Variants in RBPMS2 observed in about 807,000 individuals in gnomAD.
RBPMS2 encodes the protein RNA binding protein, mRNA processing factor 2.
A neutral mutation model predicts 25.7 loss-of-function variants in RBPMS2; 14 were observed. The observed-to-expected ratio is 0.55, with a 90% confidence interval of 0.36 to 0.85. The LOEUF is 0.85. RBPMS2 is among the 40% of genes least tolerant of loss of function. The probability of loss-of-function intolerance (pLI) is 0.01; values close to 1 mark genes in which losing one functional copy is unlikely to be tolerated. For missense variants in RBPMS2, 252 were observed against 283.4 expected, an observed-to-expected ratio of 0.89 and a Z score of 0.80; for synonymous variants, 127 against 115.6, an observed-to-expected ratio of 1.10 and a Z score of -0.63.
intron 1 of RBPMS2, among the ~76,000 whole-genome samples, chr15:64,764,583 C>A (rs1595794075): frequency 6.6e-6 from 1 of 152,188 alleles, no homozygotes; most frequent in East Asian, 1.9e-4. Flanking sequence ...GACCCTCCAT[C>A]CCAAGCTGTG....
chr15:64,750,454 T>C lies in RBPMS2; in HGVS notation c.166-73A>G, dbSNP rs563006855. 141 of 1,308,314 alleles carry C rather than the reference T, an allele frequency of 1.1e-4. 1 individual carries two copies. In the South Asian group the frequency reaches 1.5e-3, roughly 14 times the overall value. 81.0% of individuals were successfully genotyped at this position (1,308,314 alleles called of 1,614,324 possible). ...GTGCTAGCCCAGCGCTGCCACCTCA[T>C]CAGCCCCCGCGTTCCCCTGAGTCAT... On this transcript the variant is annotated intron_variant, in intron 2 of 7. Transcript: ENST00000300069.
chr15:64,774,990 C>G (rs902216320), intron 1 of RBPMS2, among the ~76,000 whole-genome samples: 10 of 150,474 alleles, frequency 6.6e-5, no homozygotes, highest in Non-Finnish European at 8.9e-5. Flanking sequence ...CGGCGGCCGG[C>G]GCGCGCGGCC....
rs369400046 is a variant in RBPMS2 at position 64,749,449 on chromosome 15, C to T, written c.249G>A (p.Ala83=). Residue 83 remains alanine (A), a synonymous_variant, in exon 4 of 8, where the codon GCG becomes GCA. Coordinates refer to ENST00000300069, the MANE Select transcript of RBPMS2 (RefSeq NM_194272.3). ...VIFDSRAGAE[A]AKNALNGIRF... is the part of the protein sequence containing the mutation. ...TACTCACGTTCAGCGCATTCTTGGC[C>T]GCTTCTGCTCCTGCACGGCTGTCAA... 1.1e-5 allele frequency: 17 copies of T among 1,613,256 alleles called. No individual in the cohort carries two copies. The highest frequency in any genetic ancestry group is 4.4e-5 in the South Asian group (4 of 91,000).
intron 1 of RBPMS2, chr15:64,762,254 C>T: frequency 2.3e-6 from 1 of 431,296 alleles, no homozygotes. Context: ...CACGGTGAAT[C>T]CTACATGGTT....
chr15:64,761,624 C>T (rs1262259904), intron 1 of RBPMS2, among the ~76,000 whole-genome samples: 1 of 151,410 alleles, frequency 6.6e-6, no homozygotes, highest in East Asian at 1.9e-4. Context: ...CTGCAGCCTC[C>T]TGGACTCAAG....
intron 1 of RBPMS2, among the ~76,000 whole-genome samples, chr15:64,757,649 G>C (rs1402953317): frequency 6.6e-6 from 1 of 152,156 alleles, no homozygotes; most frequent in African/African-American, 2.4e-5. Flanking sequence ...TTTCAGCAAT[G>C]GCAGGAACAG....
intron 1 of RBPMS2, among the ~76,000 whole-genome samples, chr15:64,754,881 G>A (rs55960029): frequency 0.065 from 9,827 of 152,158 alleles, 338 homozygotes; most frequent in South Asian, 0.089. Context: ...AGCCACCAGC[G>A]TCCTGATGGA....
intron 1 of RBPMS2, among the ~76,000 whole-genome samples, chr15:64,772,361 C>A (rs1431981031): frequency 6.6e-6 from 1 of 152,188 alleles, no homozygotes; most frequent in Non-Finnish European, 1.5e-5. Flanking sequence ...TCAAGACTTA[C>A]CTGCAGGACA....
chr15:64,763,174 G>T (rs1181121945), intron 1 of RBPMS2, among the ~76,000 whole-genome samples: 3 of 152,116 alleles, frequency 2.0e-5, no homozygotes, highest in Non-Finnish European at 2.9e-5. Flanking sequence ...TCTGAGTATG[G>T]CCACTTGACG....
At chr15:64,765,355 T>C (rs1311018427) in intron 1 of RBPMS2, among the ~76,000 whole-genome samples, 2 of 138,454 alleles carry the variant, frequency 1.4e-5, no homozygotes, top group African/African-American at 5.6e-5. Context: ...GTGGAGGCTG[T>C]AGTAAGATGA....
chr15:64,761,799 C>G (rs1595792537), intron 1 of RBPMS2, among the ~76,000 whole-genome samples: 1 of 150,564 alleles, frequency 6.6e-6, no homozygotes, highest in East Asian at 2.0e-4. Context: ...ACCTCCGCCT[C>G]CTGGGTTCAA....
intron 1 of RBPMS2, among the ~76,000 whole-genome samples, chr15:64,766,018 A>G (rs2083843314): frequency 6.6e-6 from 1 of 151,418 alleles, no homozygotes; most frequent in Non-Finnish European, 1.5e-5. Context: ...CTCAGCTCCT[A>G]TGCCAGTATC....
intron 1 of RBPMS2, among the ~76,000 whole-genome samples, chr15:64,756,314 G>A (rs1345283654): frequency 1.3e-5 from 2 of 152,050 alleles, no homozygotes; most frequent in African/African-American, 4.8e-5. Flanking sequence ...TCAGGAGCTT[G>A]AGACCAGCCT....
chr15:64,756,516 CAAAA>C (rs771497391), intron 1 of RBPMS2, among the ~76,000 whole-genome samples: 1 of 122,050 alleles, frequency 8.2e-6, no homozygotes, highest in Non-Finnish European at 1.8e-5. Flanking sequence ...GACCCTGTCT[CAAAA>C]AAAAAAAAAA....
At chr15:64,751,740 G>T in intron 1 of RBPMS2, 102 bp from the exon 2 acceptor site, 1 of 920,098 alleles carries the variant, frequency 1.1e-6, no homozygotes. Flanking sequence ...CTAGAGCTTA[G>T]AGGAATTCAG....
intron 6 of RBPMS2, among the ~76,000 whole-genome samples, chr15:64,743,318 C>T (rs1002201555): frequency 5.9e-5 from 9 of 152,244 alleles, no homozygotes; most frequent in East Asian, 3.8e-4. Flanking sequence ...CCTACACTCT[C>T]GCTACAAGGT....
intron 6 of RBPMS2, among the ~76,000 whole-genome samples, chr15:64,747,639 G>C (rs1002992242): frequency 2.6e-5 from 4 of 152,148 alleles, no homozygotes; most frequent in Admixed American, 1.3e-4. Context: ...AGTGGGATGA[G>C]ACCTCCCCTG....
At position 64,740,545 on chromosome 15, in the gene RBPMS2, C is replaced by CT. The variant is rs932335654; in HGVS notation, c.*462_*463insA. 2.7e-5 allele frequency: 3 copies of CT among 112,150 alleles called. No individual in the cohort carries two copies. Among genetic ancestry groups the CT allele is most frequent in the African/African-American group, 1.2e-4 (3 of 24,038 alleles). The allele number at this position is 112,150 out of a possible 1,614,324, so 6.9% of individuals were successfully genotyped here. ...CAGGGGCGGGGCGAGGAGAGAGGGG[C>CT]AGGCAGGATGAACCACTGGGAGCCA... On this transcript the variant is annotated 3_prime_UTR_variant, in exon 8 of 8. Transcript: ENST00000300069.
chr15:64,769,280 C>G (rs543641899), intron 1 of RBPMS2, among the ~76,000 whole-genome samples: 2 of 151,198 alleles, frequency 1.3e-5, no homozygotes, highest in African/African-American at 4.8e-5. Flanking sequence ...ACAGAATTAG[C>G]TGGGCGTGGT....
Sources: allele counts gnomAD v4.1 joint callset (sites outside exome capture counted in the v4.1 genomes callset), GRCh38; gene constraint gnomAD v4.1.1; transcripts MANE v1.5; gene names NCBI Gene and HGNC (gene_info 2026-07-23, HGNC 2026-07-21).